TBC1D22A: variants seen among roughly 807,000 people sequenced by gnomAD.
The protein encoded by TBC1D22A is putative GTPase activator.
In TBC1D22A, 38 loss-of-function variants were observed where a neutral mutation model predicts 60.2. The ratio of observed to expected loss-of-function variants is 0.63; its 90% CI spans 0.49 to 0.83. The LOEUF (loss-of-function observed/expected upper bound fraction) is 0.83, where lower values mean the gene tolerates loss of function less well. Among genes scored for constraint, TBC1D22A ranks in the 40% least tolerant of loss-of-function variants. The pLI is 0.00. For synonymous variants in TBC1D22A, 302 were observed against 281.7 expected (o/e 1.07, Z -0.72); for missense variants, 628 against 701.0 (o/e 0.90, Z 1.18).
chr22:47,052,022 C>T (rs548555759), intron 11 of TBC1D22A, among the ~76,000 whole-genome samples: 13 of 152,180 alleles, frequency 8.5e-5, no homozygotes, highest in East Asian at 1.9e-4. Flanking sequence ...ACAGAGCGGG[C>T]GGGATGCCTC....
chr22:47,043,174 G>A (rs531207665), intron 11 of TBC1D22A, among the ~76,000 whole-genome samples: 158 of 152,366 alleles, frequency 1.0e-3, no homozygotes, highest in Non-Finnish European at 1.7e-3. Context: ...AGGCCATGTG[G>A]TGGGAGGCCA....
At chr22:47,094,332 T>G (rs1303416862) in intron 11 of TBC1D22A, among the ~76,000 whole-genome samples, 1 of 152,234 alleles carries the variant, frequency 6.6e-6, no homozygotes, top group Non-Finnish European at 1.5e-5. Context: ...AACATTTAAG[T>G]CAGGGGACTT....
At chr22:47,051,359 A>G (rs1002868106) in intron 11 of TBC1D22A, among the ~76,000 whole-genome samples, 1 of 152,214 alleles carries the variant, frequency 6.6e-6, no homozygotes. Flanking sequence ...AGATTTTTTT[A>G]TACTCTCAAA....
At chr22:47,074,501 T>C (rs1603237586) in intron 11 of TBC1D22A, among the ~76,000 whole-genome samples, 2 of 152,268 alleles carry the variant, frequency 1.3e-5, no homozygotes, top group African/African-American at 4.8e-5. Context: ...AATAGGCTTA[T>C]TTAGGAAAGG....
rs1014125638 is a variant in TBC1D22A at position 46,990,509 on chromosome 22, G to A, written c.1126-7125G>A. ...GTGTTACAATTGAGGAGCCAATATC[G>A]ATACATTATTGTCAACTAAAGTCCA... On this transcript the variant is annotated intron_variant, in intron 9 of 12. Coordinates refer to ENST00000337137, the MANE Select transcript of TBC1D22A (RefSeq NM_014346.5). This position sits in a 1 kb window ranked among gnomAD's most constrained non-coding sequence, Gnocchi z 4.6. Among the ~76,000 whole-genome samples, 2 of 152,030 alleles carry A rather than the reference G, an allele frequency of 1.3e-5. No homozygotes were observed. Among genetic ancestry groups the A allele is most frequent in the African/African-American group, 2.4e-5 (1 of 41,376 alleles).
intron 4 of TBC1D22A, among the ~76,000 whole-genome samples, chr22:46,853,706 T>C (rs970251810): frequency 2.0e-5 from 3 of 152,138 alleles, no homozygotes; most frequent in Non-Finnish European, 4.4e-5. Flanking sequence ...ATTAATTCAG[T>C]TTTATAGATG....
chr22:46,980,176 C>T (rs189621346), intron 9 of TBC1D22A, among the ~76,000 whole-genome samples: 15 of 152,240 alleles, frequency 9.9e-5, no homozygotes, highest in South Asian at 2.1e-4. Context: ...AAAGAACTCA[C>T]AGATTTATTT....
At chr22:46,972,359 C>G (rs60389055) in intron 8 of TBC1D22A, among the ~76,000 whole-genome samples, 4,749 of 152,326 alleles carry the variant, frequency 0.031, 250 homozygotes, top group African/African-American at 0.11. Flanking sequence ...GGGACCGGCT[C>G]TCTGTGTCCA....
At chr22:46,949,033 T>C (rs2072731589) in intron 8 of TBC1D22A, among the ~76,000 whole-genome samples, 1 of 152,202 alleles carries the variant, frequency 6.6e-6, no homozygotes, top group African/African-American at 2.4e-5. Context: ...GCGCCACTTC[T>C]GAGTGAGGGT....
At chr22:46,980,217 C>G (rs1482743867) in intron 9 of TBC1D22A, among the ~76,000 whole-genome samples, 1 of 152,224 alleles carries the variant, frequency 6.6e-6, no homozygotes, top group Non-Finnish European at 1.5e-5. Flanking sequence ...GAGTCTCGCT[C>G]TGTTGCACAG....
At chr22:46,812,558 C>T (rs1212475499) in intron 4 of TBC1D22A, among the ~76,000 whole-genome samples, 1 of 152,196 alleles carries the variant, frequency 6.6e-6, no homozygotes. Flanking sequence ...ACTGCCCACC[C>T]CTGTGGGGAC....
chr22:47,000,238 G>T (rs960159184), intron 10 of TBC1D22A, among the ~76,000 whole-genome samples: 2 of 152,064 alleles, frequency 1.3e-5, no homozygotes, highest in African/African-American at 2.4e-5. Flanking sequence ...CAGTGGTGGC[G>T]CGAGGATAAG....
At chr22:47,078,894 G>A (rs1196032409) in intron 11 of TBC1D22A, among the ~76,000 whole-genome samples, 1 of 152,140 alleles carries the variant, frequency 6.6e-6, no homozygotes, top group Non-Finnish European at 1.5e-5. Flanking sequence ...TATTGGGGTG[G>A]AAAGGCTCAC....
intron 10 of TBC1D22A, among the ~76,000 whole-genome samples, chr22:47,017,031 A>AT (rs2061931689): frequency 6.6e-6 from 1 of 151,900 alleles, no homozygotes; most frequent in African/African-American, 2.4e-5. Context: ...GTTTTCCTCC[A>AT]TTTGTTAGTT....
chr22:47,096,593 A>G (rs966529312), intron 11 of TBC1D22A, among the ~76,000 whole-genome samples: 1 of 152,060 alleles, frequency 6.6e-6, no homozygotes, highest in Non-Finnish European at 1.5e-5. Flanking sequence ...GGGCCGAGGG[A>G]GGCAGATCAC....
At chr22:47,131,779 GCAGAGGCCCCTGGGGT>G (rs1169454304) in intron 12 of TBC1D22A, among the ~76,000 whole-genome samples, 1 of 152,182 alleles carries the variant, frequency 6.6e-6, no homozygotes, top group Non-Finnish European at 1.5e-5. Flanking sequence ...TGGCTCTCTC[GCAGAGGCCCCTGGGGT>G]CTGCAGCCTC....
chr22:46,767,340 A>C (rs1327429462), intron 1 of TBC1D22A, among the ~76,000 whole-genome samples: 1 of 152,238 alleles, frequency 6.6e-6, no homozygotes, highest in Non-Finnish European at 1.5e-5. Context: ...GTTTGGTTTA[A>C]GTAGCTATGG....
At chr22:47,109,793 G>A (rs2065780163) in intron 11 of TBC1D22A, among the ~76,000 whole-genome samples, 1 of 151,912 alleles carries the variant, frequency 6.6e-6, no homozygotes, top group South Asian at 2.1e-4. Context: ...TGTTTTTTCT[G>A]CACAACCTTC....
At position 47,009,733 on chromosome 22, in the gene TBC1D22A, C is replaced by T. The variant is rs942513964; in HGVS notation, c.1201+12024C>T. Among the ~76,000 whole-genome samples, 6 of 152,108 alleles carry T rather than the reference C, an allele frequency of 3.9e-5. No homozygotes were observed. Among genetic ancestry groups the T allele is most frequent in the African/African-American group, 1.4e-4 (6 of 41,414 alleles). On this transcript the variant is annotated intron_variant, in intron 10 of 12. Transcript: ENST00000337137. This position sits in a 1 kb window ranked among gnomAD's most constrained non-coding sequence, Gnocchi z 5.8. ...TCATCATCACTATCACCATCATTTC[C>T]TCACCATCATCACCATCAACAAACT...
Sources: gnomAD v4.1 joint callset for allele counts (sites outside exome capture counted in the v4.1 genomes callset) on GRCh38, gnomAD v4.1.1 for gene constraint, Gnocchi (gnomAD v3.1) non-coding constraint, MANE v1.5 for transcripts, NCBI Gene and HGNC (gene_info 2026-07-23, HGNC 2026-07-21) for gene names.